The following USP34 variants were observed in gnomAD, a reference collection of about 807,000 sequenced individuals.
USP34 encodes the protein ubiquitin carboxyl-terminal hydrolase 34.
Under a neutral mutation model 460.3 loss-of-function variants are expected in USP34, and 70 were observed. The ratio of observed to expected loss-of-function variants is 0.15; its 90% CI spans 0.13 to 0.19. The LOEUF (loss-of-function observed/expected upper bound fraction) is 0.19. USP34 is among the 10% of genes least tolerant of loss of function. The pLI is 1.00. For synonymous variants in USP34, 1,647 were observed against 1,405.3 expected, an observed-to-expected ratio of 1.17 and a Z score of -3.85; for missense variants, 3,985 against 4,236.2, an observed-to-expected ratio of 0.94 and a Z score of 1.65.
chr2:61,293,083 T>C (rs1689911695), intron 33 of USP34, among the ~76,000 whole-genome samples: 1 of 152,040 alleles, frequency 6.6e-6, no homozygotes, highest in South Asian at 2.1e-4. Flanking sequence ...TAATTATTAC[T>C]ACTATAAAGG....
intron 27 of USP34, among the ~76,000 whole-genome samples, chr2:61,309,895 G>T (rs1257327908): frequency 6.6e-6 from 1 of 152,070 alleles, no homozygotes; most frequent in Non-Finnish European, 1.5e-5. Flanking sequence ...CTGTAGGGAA[G>T]GTTTATAACT....
At chr2:61,431,653 G>A (rs978204472) in intron 1 of USP34, among the ~76,000 whole-genome samples, 1 of 152,110 alleles carries the variant, frequency 6.6e-6, no homozygotes, top group Non-Finnish European at 1.5e-5. Context: ...TTAGGAGTTC[G>A]AGACCAGCCT....
chr2:61,350,284 T>C lies in USP34; in HGVS notation c.1483A>G (p.Asn495Asp). The C allele has an allele frequency of 6.2e-7, 1 of 1,609,948 alleles. No homozygotes were observed. The highest frequency in any genetic ancestry group is 1.7e-5 in the Admixed American group (1 of 59,494). ...CCTTTCTTATTTCCAATGGGAATAT[T>C]AGTATTTAATAAAGATGCAAAAGAA... ...QSSFASLLNTNIPIGNKKEEE... is the reference protein window; with the variant it reads ...QSSFASLLNTDIPIGNKKEEE... The change falls in exon 12 of 80, where the codon AAT becomes GAT. Residue 495 changes from asparagine (N) to aspartate (D), a missense_variant. Coordinates refer to ENST00000398571, the MANE Select transcript of USP34 (RefSeq NM_014709.4).
chr2:61,403,924 C>T (rs532436104), intron 3 of USP34, among the ~76,000 whole-genome samples: 8 of 127,626 alleles, frequency 6.3e-5, no homozygotes, highest in South Asian at 2.8e-4. Context: ...ACCCGGGAGG[C>T]GGAGCTTGCA....
intron 2 of USP34, among the ~76,000 whole-genome samples, chr2:61,412,084 G>A (rs1694055952): frequency 6.6e-6 from 1 of 151,594 alleles, no homozygotes; most frequent in African/African-American, 2.4e-5. Context: ...AGATACTTGG[G>A]AGGCTGAGGC....
intron 67 of USP34, 123 bp downstream of exon 67, chr2:61,220,187 A>AAAG: frequency 1.7e-6 from 1 of 572,232 alleles, no homozygotes; most frequent in East Asian, 3.6e-5. Context: ...AAAAAAGGAA[A>AAAG]TAACATCTCC....
At chr2:61,457,643 AC>A (rs1695477811) in intron 1 of USP34, among the ~76,000 whole-genome samples, 1 of 152,286 alleles carries the variant, frequency 6.6e-6, no homozygotes, top group East Asian at 1.9e-4. Context: ...CGGGAGAATC[AC>A]TTGAGGCCAG....
At chr2:61,453,858 C>G (rs812925) in intron 1 of USP34, among the ~76,000 whole-genome samples, 45,892 of 151,594 alleles carry the variant, frequency 0.3, 7,515 homozygotes, top group Middle Eastern at 0.42. Context: ...AAATATGTGT[C>G]ACATTCAAAA....
chr2:61,448,418 C>G (rs1426721148), intron 1 of USP34, among the ~76,000 whole-genome samples: 1 of 152,150 alleles, frequency 6.6e-6, no homozygotes, highest in Non-Finnish European at 1.5e-5. Context: ...GCACCACACT[C>G]TGGCCCAGGA....
chr2:61,315,038 G>T, intron 23 of USP34, 64 bp from the exon 24 acceptor site: 1 of 1,244,820 alleles, frequency 8.0e-7, no homozygotes, highest in Non-Finnish European at 1.1e-6. Context: ...CATTAAGACT[G>T]AAGTATCAAA....
intron 2 of USP34, among the ~76,000 whole-genome samples, chr2:61,413,741 G>A (rs942507743): frequency 6.8e-6 from 1 of 146,492 alleles, no homozygotes; most frequent in African/African-American, 2.6e-5. Flanking sequence ...ACTTTGGGAG[G>A]CCAAGGCGGG....
Position 61,245,192 on chromosome 2 carries a change from T to C in USP34, c.6627+18A>G. 6.3e-7 allele frequency: 1 copy of C among 1,599,236 alleles called. No homozygotes were observed. The highest frequency in any genetic ancestry group is 8.6e-7 in the Non-Finnish European group (1 of 1,168,230). On this transcript the variant is annotated intron_variant, in intron 51 of 79. Coordinates refer to ENST00000398571, the MANE Select transcript of USP34 (RefSeq NM_014709.4). ...TTGGAAGGACACAAACCATTTATAA[T>C]TTCTGAATAAAACTTACCGTCATCT...
chr2:61,392,064 T>C (rs979994612), intron 5 of USP34, among the ~76,000 whole-genome samples: 4 of 152,260 alleles, frequency 2.6e-5, no homozygotes, highest in African/African-American at 7.2e-5. Context: ...TTAGCAGTCA[T>C]AAAAGGGCTG....
At position 61,223,267 on chromosome 2, in the gene USP34, G is replaced by T; in HGVS notation, c.7625C>A (p.Ala2542Glu). ...RHLTLSQTDM[A>E]ALTGGKGFPF... ...TACTACCTTTCCTCCTGTTAATGCT[G>T]CCATGTCAGTCTGTGATAATGTCAA... The change falls in exon 63 of 80, where the codon GCA becomes GAA. Residue 2542 changes from alanine (A) to glutamate (E), a missense_variant. Physicochemically the swap from Ala to Glu is moderately radical, Grantham distance 107. Around this residue, in one of 14 missense-constraint regions of USP34, gnomAD observed 604 missense variants for 684.8 expected, o/e 0.88. Coordinates refer to ENST00000398571, the MANE Select transcript of USP34 (RefSeq NM_014709.4). 1 of 1,613,880 alleles carries T rather than the reference G, an allele frequency of 6.2e-7. No individual in the cohort carries two copies. Among genetic ancestry groups the T allele is most frequent in the Non-Finnish European group, 8.5e-7 (1 of 1,179,908 alleles).
intron 50 of USP34, 60 bp from the exon 51 acceptor site, chr2:61,245,348 TCTA>T (rs1688391454): frequency 1.0e-5 from 10 of 997,928 alleles, no homozygotes; most frequent in Non-Finnish European, 7.1e-6. Flanking sequence ...TCATATTATG[TCTA>T]CTATTTTTTG....
intron 10 of USP34, among the ~76,000 whole-genome samples, chr2:61,358,426 GAA>G (rs1374959233): frequency 6.6e-6 from 1 of 151,872 alleles, no homozygotes; most frequent in Non-Finnish European, 1.5e-5. Context: ...GGACAACCTG[GAA>G]GATTCCTTTC....
chr2:61,399,874 C>CAAAAAAAAGAAAAA (rs1693658432), intron 3 of USP34, among the ~76,000 whole-genome samples: 1 of 69,984 alleles, frequency 1.4e-5, no homozygotes, highest in Non-Finnish European at 2.6e-5. Flanking sequence ...CACTGTCTCC[C>CAAAAAAAAGAAAAA]AAAAAAAAAA....
At chr2:61,370,695 G>C in intron 8 of USP34, 116 bp from the exon 9 acceptor site, 1 of 802,848 alleles carries the variant, frequency 1.2e-6, no homozygotes, top group Non-Finnish European at 2.0e-6. Context: ...TAAAGAATTA[G>C]ATACAATCAG....
At chr2:61,385,691 A>G (rs1367134796) in intron 5 of USP34, among the ~76,000 whole-genome samples, 4 of 149,434 alleles carry the variant, frequency 2.7e-5, no homozygotes, top group East Asian at 2.0e-4. Flanking sequence ...AAAAAAAAAA[A>G]AAAGAAATAC....
Sources: gnomAD v4.1 joint callset for allele counts (sites outside exome capture counted in the v4.1 genomes callset) on GRCh38, gnomAD v4.1.1 for gene constraint, gnomAD v4.1.1 regional missense constraint, MANE v1.5 for transcripts, NCBI Gene and HGNC (gene_info 2026-07-23, HGNC 2026-07-21) for gene names.